Variants in SNX27 observed in about 807,000 individuals in gnomAD.
The protein encoded by SNX27 is sorting nexin-27.
In SNX27, 22 loss-of-function variants were observed where a neutral mutation model predicts 71.6. The observed-to-expected ratio is 0.31, with a 90% CI of 0.22 to 0.44. The LOEUF is 0.44. Among genes scored for constraint, SNX27 ranks in the 20% least tolerant of loss-of-function variants. SNX27 has a pLI of 1.00. For missense variants in SNX27, 531 were observed against 698.6 expected (o/e 0.76, Z 2.70); for synonymous variants, 269 against 277.2 (o/e 0.97, Z 0.29).
At chr1:151,657,260 G>A (rs188056493) in intron 2 of SNX27, among the ~76,000 whole-genome samples, 53 of 152,182 alleles carry the variant, frequency 3.5e-4, no homozygotes, top group Admixed American at 2.5e-3. Context: ...TGCTTCCTCT[G>A]CCTCCTGGAT....
At chr1:151,618,571 A>G (rs1040099524) in intron 1 of SNX27, among the ~76,000 whole-genome samples, 1 of 152,216 alleles carries the variant, frequency 6.6e-6, no homozygotes, top group Non-Finnish European at 1.5e-5. Flanking sequence ...ACCACTGACC[A>G]GTTTTTTTCA....
chr1:151,617,877 T>G (rs1384713971), intron 1 of SNX27, among the ~76,000 whole-genome samples: 1 of 87,446 alleles, frequency 1.1e-5, no homozygotes, highest in African/African-American at 4.7e-5. Context: ...TTTTTAGAGC[T>G]GTTTTTTTTT....
intron 1 of SNX27, among the ~76,000 whole-genome samples, chr1:151,625,701 C>G (rs150670528): frequency 6.7e-6 from 1 of 149,470 alleles, no homozygotes; most frequent in African/African-American, 2.5e-5. Context: ...GGGAGAATCA[C>G]TTGAACCGGG....
At chr1:151,654,406 C>T (rs550883998) in intron 2 of SNX27, among the ~76,000 whole-genome samples, 9 of 152,012 alleles carry the variant, frequency 5.9e-5, no homozygotes, top group African/African-American at 1.4e-4. Context: ...CTTGGGAAAG[C>T]GTTTCCTGTC....
At position 151,672,771 on chromosome 1, in the gene SNX27, T is replaced by C. The variant is rs2102702630; in HGVS notation, c.1149+4136T>C. 3.3e-5 allele frequency among the ~76,000 whole-genome samples: 5 copies of C among 151,510 alleles called. No individual in the cohort carries two copies. The South Asian group carries it at 1.0e-3, about 32-fold the overall frequency. On this transcript the variant is annotated intron_variant, in intron 7 of 11. Coordinates refer to ENST00000458013, the MANE Select transcript of SNX27 (RefSeq NM_001330723.2). ...CATTTCTTTTAGATTTTATAATTTA[T>C]TGACATATAGTTAATCATAGTAGCC...
rs1331769699 is a variant in SNX27 at position 151,629,479 on chromosome 1, GTATATATACA to G, written c.312-9407_312-9398del. 3.5e-3 allele frequency: 9 copies of G among 2,544 alleles called. No individual in the cohort carries two copies. In the Non-Finnish European group the frequency reaches 0.046, roughly 13 times the overall value. The allele number at this position is 2,544 out of a possible 1,614,324, so 0.2% of individuals were successfully genotyped here. ...TATATACGTATATATACATATATACGTATATATACATGTATGCGTATATATATACATATAT... is the reference window on the plus strand; with the variant it reads ...TATATACGTATATATACATATATACGTGTATGCGTATATATATACATATAT... On this transcript the variant is annotated intron_variant, in intron 1 of 11. Transcript: ENST00000458013.
chr1:151,658,450 A>C, intron 3 of SNX27, 23 bp downstream of exon 3: 2 of 1,607,770 alleles, frequency 1.2e-6, no homozygotes, highest in Non-Finnish European at 1.7e-6. Context: ...ATCAAACTCT[A>C]CTATATTGAG....
chr1:151,675,084 C>G (rs1038104162), intron 7 of SNX27, among the ~76,000 whole-genome samples: 1 of 152,004 alleles, frequency 6.6e-6, no homozygotes, highest in African/African-American at 2.4e-5. Flanking sequence ...ATTCTTCGGT[C>G]TTTTGGGAAT....
chr1:151,671,055 T>C (rs1037461031), intron 7 of SNX27, among the ~76,000 whole-genome samples: 1 of 152,180 alleles, frequency 6.6e-6, no homozygotes, highest in African/African-American at 2.4e-5. Flanking sequence ...TTTTCCCCAG[T>C]ACATGTTCTT....
intron 2 of SNX27, among the ~76,000 whole-genome samples, chr1:151,651,639 C>T (rs1347485447): frequency 1.3e-5 from 2 of 149,584 alleles, no homozygotes; most frequent in African/African-American, 5.0e-5. Flanking sequence ...ACATCTCAGA[C>T]GATGGGTGGC....
chr1:151,669,903 C>T (rs1200546416), intron 7 of SNX27, among the ~76,000 whole-genome samples: 1 of 152,116 alleles, frequency 6.6e-6, no homozygotes, highest in African/African-American at 2.4e-5. Flanking sequence ...TCCAGTTATA[C>T]TCTTTTAGTA....
chr1:151,687,933 C>T (rs951552681), intron 8 of SNX27, among the ~76,000 whole-genome samples: 11 of 128,840 alleles, frequency 8.5e-5, no homozygotes, highest in Admixed American at 8.7e-5. Context: ...GGCGACAGAG[C>T]GGAGTCTGTC....
chr1:151,631,487 A>G (rs532845391), intron 1 of SNX27, among the ~76,000 whole-genome samples: 7 of 152,284 alleles, frequency 4.6e-5, no homozygotes, highest in African/African-American at 7.2e-5. Context: ...ACAATTTGTA[A>G]TCTTCGTTTT....
At position 151,692,535 on chromosome 1, in the gene SNX27, G is replaced by A; in HGVS notation, c.1340G>A (p.Ser447Asn). The A allele has an allele frequency of 6.3e-7, 1 of 1,598,042 alleles. No individual in the cohort carries two copies. Reference sequence around the variant, plus strand: ...AAGGGGCACGTTATCACAGCCATCAGCATCACGCACTTTAAACTGCATGCC... The same window carrying A: ...AAGGGGCACGTTATCACAGCCATCAACATCACGCACTTTAAACTGCATGCC... ...RRKGHVITAI[S>N]ITHFKLHACT... Residue 447 changes from serine (S) to asparagine (N), a missense_variant, in exon 9 of 12, where the codon AGC (serine) becomes AAC (asparagine). Ser to Asn is a conservative substitution (Grantham distance 46). Coordinates refer to ENST00000458013, the MANE Select transcript of SNX27 (RefSeq NM_001330723.2).
chr1:151,680,406 T>G (rs1281960922), intron 7 of SNX27: 1 of 152,154 alleles, frequency 6.6e-6, no homozygotes. Flanking sequence ...TCCTCCCGCC[T>G]CCACCTCCCA....
chr1:151,644,396 T>C (rs1382909451), intron 2 of SNX27, among the ~76,000 whole-genome samples: 1 of 152,244 alleles, frequency 6.6e-6, no homozygotes, highest in Non-Finnish European at 1.5e-5. Flanking sequence ...TGGTTTTTTT[T>C]GTAACTGGCT....
At chr1:151,634,778 C>T (rs1041653066) in intron 1 of SNX27, among the ~76,000 whole-genome samples, 2 of 152,100 alleles carry the variant, frequency 1.3e-5, no homozygotes, top group South Asian at 4.1e-4. Context: ...TTCAAACCTA[C>T]AGAAAAATTG....
chr1:151,621,950 A>G (rs1224053855), intron 1 of SNX27, among the ~76,000 whole-genome samples: 2 of 152,194 alleles, frequency 1.3e-5, no homozygotes, highest in East Asian at 1.9e-4. Context: ...TATCAAGGAA[A>G]TGTGACACTG....
intron 1 of SNX27, among the ~76,000 whole-genome samples, chr1:151,615,340 C>G (rs937742773): frequency 2.0e-5 from 3 of 152,106 alleles, no homozygotes; most frequent in Admixed American, 6.6e-5. Context: ...CCCAACTATA[C>G]AGTGTCTTTC....
Sources: gnomAD v4.1 joint callset for allele counts (sites outside exome capture counted in the v4.1 genomes callset) on GRCh38, gnomAD v4.1.1 for gene constraint, MANE v1.5 for transcripts, NCBI Gene and HGNC (gene_info 2026-07-23, HGNC 2026-07-21) for gene names.